The following SESN3 variants were observed in gnomAD, a reference collection of about 807,000 sequenced individuals.
The protein encoded by SESN3 is sestrin 3, also known as sestrin-3.
In SESN3, 21 loss-of-function variants were observed where a neutral mutation model predicts 55.3. That is an observed-to-expected ratio of 0.38 (90% CI 0.27 to 0.55). SESN3 has a LOEUF of 0.55. Among genes scored for constraint, SESN3 ranks in the 20% least tolerant of loss-of-function variants. The pLI, the probability that SESN3 is intolerant of heterozygous loss-of-function variation, is 0.76. For synonymous variants in SESN3, 181 were observed against 203.1 expected (o/e 0.89, Z 0.93); for missense variants, 408 against 604.3 (o/e 0.68, Z 3.41).
intron 4 of SESN3, among the ~76,000 whole-genome samples, chr11:95,186,704 T>G (rs929262933): frequency 6.6e-6 from 1 of 151,938 alleles, no homozygotes; most frequent in Non-Finnish European, 1.5e-5. Context: ...AAAATATCAC[T>G]ATGTACCCCA....
At chr11:95,190,989 T>G (rs940080559) in intron 3 of SESN3, among the ~76,000 whole-genome samples, 6 of 152,050 alleles carry the variant, frequency 3.9e-5, no homozygotes, top group Admixed American at 2.0e-4. Flanking sequence ...TCTCCATTAA[T>G]GCTGACTGAT....
intron 8 of SESN3, among the ~76,000 whole-genome samples, chr11:95,176,095 G>C (rs1473507778): frequency 6.6e-6 from 1 of 152,150 alleles, no homozygotes; most frequent in African/African-American, 2.4e-5. Flanking sequence ...GTGTTTCAGG[G>C]AAGAGCAAGT....
intron 1 of SESN3, among the ~76,000 whole-genome samples, chr11:95,208,318 T>C (rs1489728665): frequency 6.6e-6 from 1 of 151,550 alleles, no homozygotes; most frequent in African/African-American, 2.4e-5. Context: ...GTCCTGTATA[T>C]ATTAGTGAGG....
At chr11:95,196,852 A>G (rs1860370630) in intron 1 of SESN3, among the ~76,000 whole-genome samples, 1 of 152,162 alleles carries the variant, frequency 6.6e-6, no homozygotes, top group Non-Finnish European at 1.5e-5. Context: ...AGACATTTTT[A>G]TAACTTTTTG....
intron 1 of SESN3, among the ~76,000 whole-genome samples, chr11:95,196,035 C>T (rs923446621): frequency 2.0e-5 from 3 of 152,130 alleles, no homozygotes; most frequent in African/African-American, 4.8e-5. Flanking sequence ...AGGGAAAAAT[C>T]CCAGCTGGGA....
chr11:95,175,122 G>C (rs1410803022), intron 9 of SESN3, among the ~76,000 whole-genome samples: 3 of 152,122 alleles, frequency 2.0e-5, no homozygotes, highest in Non-Finnish European at 4.4e-5. Flanking sequence ...CCAGCACTTT[G>C]GGAAGCCGAG....
In SESN3 at chr11:95,230,733, GGCCGGCAGGAAGCGACCCTC is replaced by G; in HGVS notation, c.78+30_78+49del. The G allele has an allele frequency of 6.9e-7, 1 of 1,457,520 alleles. No homozygotes were observed. Among genetic ancestry groups the G allele is most frequent in the Non-Finnish European group, 9.5e-7 (1 of 1,052,392 alleles). 90.3% of individuals were successfully genotyped at this position (1,457,520 alleles called of 1,614,324 possible). A position where few individuals can be genotyped will look rare whatever the true frequency, so the allele number is the denominator to read the frequency against. The stretch of plus-strand genomic sequence containing the variant: ...CCCGGGGACGAGCCGCCCGAGCCCC[GGCCGGCAGGAAGCGACCCTC>G]GCCGGCAGGACCCCGGGCCGAACCC... On this transcript the variant is annotated intron_variant, in intron 1 of 9. Coordinates refer to ENST00000536441, the MANE Select transcript of SESN3 (RefSeq NM_144665.4). The surrounding 1 kb of genome is among the most constrained non-coding windows in gnomAD (Gnocchi z 4.6).
intron 1 of SESN3, among the ~76,000 whole-genome samples, chr11:95,224,179 G>A (rs914801781): frequency 6.6e-6 from 1 of 152,136 alleles, no homozygotes; most frequent in Non-Finnish European, 1.5e-5. Flanking sequence ...AAGAAGATAA[G>A]TGTGAATATT....
At chr11:95,192,245 A>C (rs181321445) in intron 2 of SESN3, among the ~76,000 whole-genome samples, 1 of 152,192 alleles carries the variant, frequency 6.6e-6, no homozygotes, top group Admixed American at 6.6e-5. Context: ...CTAGGAAATC[A>C]AAAGAGTTTT....
chr11:95,193,593 T>C (rs1465376657), intron 1 of SESN3, 71 bp from the exon 2 acceptor site: 4 of 828,314 alleles, frequency 4.8e-6, no homozygotes, highest in Non-Finnish European at 8.2e-6. Flanking sequence ...TACACATTTA[T>C]TGCTAAGGTA....
chr11:95,207,866 G>A (rs1860579643), intron 1 of SESN3, among the ~76,000 whole-genome samples: 1 of 150,588 alleles, frequency 6.6e-6, no homozygotes, highest in Non-Finnish European at 1.5e-5. Flanking sequence ...TAGAGACTGG[G>A]TTTCATCATG....
chr11:95,200,185 AG>A (rs1420619500), intron 1 of SESN3, among the ~76,000 whole-genome samples: 1 of 152,136 alleles, frequency 6.6e-6, no homozygotes, highest in Admixed American at 6.6e-5. Flanking sequence ...AGGTATAAAC[AG>A]GCAGCTCTAT....
intron 1 of SESN3, among the ~76,000 whole-genome samples, chr11:95,208,750 C>T (rs574667248): frequency 6.6e-6 from 1 of 151,446 alleles, no homozygotes; most frequent in East Asian, 1.9e-4. Context: ...GAACAGAGGC[C>T]TCAGAAATAA....
intron 8 of SESN3, among the ~76,000 whole-genome samples, chr11:95,176,109 C>T (rs1212453670): frequency 6.6e-6 from 1 of 152,118 alleles, no homozygotes; most frequent in Non-Finnish European, 1.5e-5. Context: ...AGCAAGTAAT[C>T]ACTGAGTCCC....
chr11:95,208,093 GT>G (rs942905288), intron 1 of SESN3, among the ~76,000 whole-genome samples: 3 of 150,856 alleles, frequency 2.0e-5, no homozygotes, highest in African/African-American at 7.3e-5. Flanking sequence ...TCTTTCCTTA[GT>G]TTTTTAAAAA....
At position 95,230,189 on chromosome 11, in the gene SESN3, TC is replaced by T. The variant is rs1227738445; in HGVS notation, c.78+593del. On this transcript the variant is annotated intron_variant, in intron 1 of 9. Transcript: ENST00000536441. This position sits in a 1 kb window ranked among gnomAD's most constrained non-coding sequence, Gnocchi z 4.6. ...GGAACTGGCCAGGTCGAATTGCATT[TC>T]CCATGGGCATAAAGTTCAAGATGCT... is the stretch of plus-strand genomic sequence containing the variant. The T allele has an allele frequency of 6.6e-6, 1 of 152,416 alleles. No individual in the cohort carries two copies. The highest frequency in any genetic ancestry group is 2.4e-5 in the African/African-American group (1 of 41,412). 9.4% of individuals were successfully genotyped at this position (152,416 alleles called of 1,614,324 possible).
intron 1 of SESN3, among the ~76,000 whole-genome samples, chr11:95,221,136 CTACAAAAAA>C (rs1356429902): frequency 6.6e-6 from 1 of 152,030 alleles, no homozygotes; most frequent in African/African-American, 2.4e-5. Flanking sequence ...AACCCCGTCT[CTACAAAAAA>C]TATAAAAAAT....
rs1394928280 is a variant in SESN3 at position 95,168,348 on chromosome 11, A to AATC, written c.*4904_*4906dup. ...CAAATCCAAGTTAGGATGGCAATTC[A>AATC]ATCACTTTAAAATCCTGTTATATGC... is the stretch of plus-strand genomic sequence containing the variant. On this transcript the variant is annotated 3_prime_UTR_variant, in exon 10 of 10. Coordinates refer to ENST00000536441, the MANE Select transcript of SESN3 (RefSeq NM_144665.4). 1 of 152,244 alleles carries AATC rather than the reference A, an allele frequency of 6.6e-6. No individual in the cohort carries two copies. Among genetic ancestry groups the AATC allele is most frequent in the Non-Finnish European group, 1.5e-5 (1 of 68,034 alleles). The allele number at this position is 152,244 out of a possible 1,614,324, so 9.4% of individuals were successfully genotyped here.
In SESN3 at chr11:95,173,118, C is replaced by CAAAAAAAAAA. The variant is rs781304580; in HGVS notation, c.*127_*136dup. 2.8e-6 allele frequency: 1 copy of CAAAAAAAAAA among 362,896 alleles called. No individual in the cohort carries two copies. The highest frequency in any genetic ancestry group is 5.0e-6 in the Non-Finnish European group (1 of 199,388). 22.5% of individuals were successfully genotyped at this position (362,896 alleles called of 1,614,324 possible). A position where few individuals can be genotyped will look rare whatever the true frequency, so the allele number is the denominator to read the frequency against. ...CATTGCACATTACAGCCGCAAAAAA[C>CAAAAAAAAAA]AAAAAAAAAAAAACAAACGGCTAAA... On this transcript the variant is annotated 3_prime_UTR_variant, in exon 10 of 10. Coordinates refer to ENST00000536441, the MANE Select transcript of SESN3 (RefSeq NM_144665.4).
Sources: gnomAD v4.1 joint callset for allele counts (sites outside exome capture counted in the v4.1 genomes callset) on GRCh38, gnomAD v4.1.1 for gene constraint, Gnocchi (gnomAD v3.1) non-coding constraint, MANE v1.5 for transcripts, NCBI Gene and HGNC (gene_info 2026-07-23, HGNC 2026-07-21) for gene names.